The following STIM1 variants were observed in gnomAD, a reference collection of about 807,000 sequenced individuals.
STIM1 encodes the protein stromal interaction molecule 1.
STIM1 carries 25 observed loss-of-function variants against 74.7 expected under a neutral mutation model. The observed-to-expected ratio is 0.33, with a 90% CI of 0.24 to 0.47. STIM1 has a LOEUF of 0.47. Ranked by LOEUF, STIM1 falls within the 20% of genes least tolerant of loss-of-function variation. The pLI, the probability that STIM1 is intolerant of heterozygous loss-of-function variation, is 1.00. For missense variants in STIM1, 728 were observed against 920.8 expected (o/e 0.79, Z 2.71); for synonymous variants, 328 against 348.8 (o/e 0.94, Z 0.66).
intron 2 of STIM1, among the ~76,000 whole-genome samples, chr11:3,981,562 A>C (rs945906218): frequency 3.3e-5 from 5 of 152,186 alleles, no homozygotes; most frequent in Admixed American, 6.5e-5. Flanking sequence ...AGGAGTACAG[A>C]GTGGGCTGGT....
In STIM1 at chr11:4,084,731, C is replaced by T. The variant is rs777651362; in HGVS notation, c.1533C>T (p.Ala511=). Residue 511 remains alanine (A), a synonymous_variant, in exon 11 of 13, where the codon GCC becomes GCT. Transcript: ENST00000526596. The part of the protein sequence containing the change: ...FSDRSLCSTS[A]GSDDQSLWKY... ...ACCGCTCTCTCTGCTCTACATCCGC[C>T]GGCTCGGATGATCAGTCCCTCTGGA... 26 of 1,289,284 alleles carry T rather than the reference C, an allele frequency of 2.0e-5. No individual in the cohort carries two copies. Among genetic ancestry groups the T allele is most frequent in the African/African-American group, 3.0e-5 (2 of 65,860 alleles). The allele number at this position is 1,289,284 out of a possible 1,614,324, so 79.9% of individuals were successfully genotyped here. A position where few individuals can be genotyped will look rare whatever the true frequency, so the allele number is the denominator to read the frequency against.
In STIM1 at chr11:4,086,538, T is replaced by A; in HGVS notation, c.1629T>A (p.Ser543=). 6.2e-7 allele frequency: 1 copy of A among 1,614,170 alleles called. No individual in the cohort carries two copies. Among genetic ancestry groups the A allele is most frequent in the East Asian group, 2.2e-5 (1 of 44,884 alleles). The part of the protein sequence containing the change: ...RLTEPQHGLG[S]QRDLTHSDSE... ...CGGAGCCACAGCATGGCCTGGGATC[T>A]CAGAGGTTGGTAGAGGGCGAGGCTG... is the stretch of plus-strand genomic sequence containing the variant. The change falls in exon 12 of 13, where the codon TCT becomes TCA. Residue 543 remains serine, a synonymous_variant. Coordinates refer to ENST00000526596, the MANE Select transcript of STIM1 (RefSeq NM_001382567.1).
At chr11:4,029,054 G>C (rs899963524) in intron 3 of STIM1, among the ~76,000 whole-genome samples, 2 of 151,996 alleles carry the variant, frequency 1.3e-5, no homozygotes, top group African/African-American at 4.8e-5. Context: ...CAGGTGTGGT[G>C]GTGGGCACCT....
At chr11:4,024,525 C>T (rs991511436) in intron 3 of STIM1, among the ~76,000 whole-genome samples, 2 of 152,184 alleles carry the variant, frequency 1.3e-5, no homozygotes, top group African/African-American at 2.4e-5. Context: ...AACATTTTCT[C>T]AGCCTCCTTC....
intron 6 of STIM1, 37 bp downstream of exon 6, chr11:4,070,240 C>T (rs2094395479): frequency 1.2e-6 from 2 of 1,612,074 alleles, no homozygotes; most frequent in East Asian, 2.2e-5. Context: ...GAGGCCCTGC[C>T]AGTTCTTGGG....
At chr11:4,008,824 C>G (rs2135947479) in intron 2 of STIM1, among the ~76,000 whole-genome samples, 1 of 152,242 alleles carries the variant, frequency 6.6e-6, no homozygotes, top group South Asian at 2.1e-4. Context: ...GGAAACTTCA[C>G]ACAGACAGTA....
At chr11:3,955,027 G>A (rs556857972) in intron 1 of STIM1, among the ~76,000 whole-genome samples, 1 of 152,308 alleles carries the variant, frequency 6.6e-6, no homozygotes, top group South Asian at 2.1e-4. Flanking sequence ...GCCATTCAAT[G>A]GAATACTACT....
chr11:4,010,766 A>G (rs2093827858), intron 2 of STIM1, among the ~76,000 whole-genome samples: 1 of 152,134 alleles, frequency 6.6e-6, no homozygotes, highest in Non-Finnish European at 1.5e-5. Context: ...CATGTGCACA[A>G]TGTGCAGGTT....
At chr11:3,895,694 CTTT>C (rs2092089288) in intron 1 of STIM1, among the ~76,000 whole-genome samples, 1 of 33,754 alleles carries the variant, frequency 3.0e-5, no homozygotes, top group Non-Finnish European at 5.4e-5. Context: ...TTCTTTCTTT[CTTT>C]CTTTCTTTCT....
At chr11:4,039,774 A>T (rs754992531) in intron 3 of STIM1, among the ~76,000 whole-genome samples, 1 of 151,826 alleles carries the variant, frequency 6.6e-6, no homozygotes, top group Non-Finnish European at 1.5e-5. Flanking sequence ...TTATTTTATT[A>T]TATTGTACTT....
intron 1 of STIM1, among the ~76,000 whole-genome samples, chr11:3,893,575 C>A (rs906769092): frequency 6.6e-6 from 1 of 152,150 alleles, no homozygotes; most frequent in African/African-American, 2.4e-5. Flanking sequence ...ATGTTTACTT[C>A]CACTTTCTTG....
rs536610307 is a variant in STIM1, at chr11:3,881,670, C to T, written c.139+25261C>T. ...ACAGGCGTGAGCCACCGTGCCCGGC[C>T]GATTATTTTATTTTTATTTATTTAT... On this transcript the variant is annotated intron_variant, in intron 1 of 12. Coordinates refer to ENST00000526596, the MANE Select transcript of STIM1 (RefSeq NM_001382567.1). 8.1e-5 allele frequency among the ~76,000 whole-genome samples: 12 copies of T among 148,262 alleles called. No individual in the cohort carries two copies. The East Asian group carries it at 2.3e-3, about 28-fold the overall frequency.
intron 1 of STIM1, among the ~76,000 whole-genome samples, chr11:3,909,802 A>AG (rs2092531430): frequency 6.6e-6 from 1 of 151,502 alleles, no homozygotes; most frequent in Admixed American, 6.6e-5. Context: ...AAAGAAAAAA[A>AG]AAAAAGAAAA....
At chr11:3,905,176 A>G (rs1362199699) in intron 1 of STIM1, among the ~76,000 whole-genome samples, 1 of 152,114 alleles carries the variant, frequency 6.6e-6, no homozygotes, top group Non-Finnish European at 1.5e-5. Context: ...AAATGAGGCT[A>G]CTGAGTCATT....
intron 1 of STIM1, chr11:3,892,588 C>A: frequency 1.2e-6 from 2 of 1,602,140 alleles, no homozygotes; most frequent in South Asian, 1.1e-5. Context: ...CAGCATTTGC[C>A]ATGGACAAGA....
chr11:4,019,907 A>G (rs866129274), intron 2 of STIM1, among the ~76,000 whole-genome samples: 1 of 152,084 alleles, frequency 6.6e-6, no homozygotes, highest in Non-Finnish European at 1.5e-5. Context: ...TACCCTCCCA[A>G]CTGTAAATTT....
intron 3 of STIM1, among the ~76,000 whole-genome samples, chr11:4,028,909 T>A (rs184592006): frequency 2.6e-4 from 39 of 151,884 alleles, no homozygotes; most frequent in African/African-American, 9.4e-4. Flanking sequence ...CATTACAGAC[T>A]GGGCGTGGTG....
chr11:4,016,849 G>A (rs2093902821), intron 2 of STIM1, among the ~76,000 whole-genome samples: 2 of 152,356 alleles, frequency 1.3e-5, no homozygotes, highest in East Asian at 1.9e-4. Flanking sequence ...AGCAAGGAAG[G>A]CTCTGTGTGT....
At chr11:4,021,401 C>T (rs1477263560) in intron 2 of STIM1, among the ~76,000 whole-genome samples, 1 of 152,250 alleles carries the variant, frequency 6.6e-6, no homozygotes, top group African/African-American at 2.4e-5. Context: ...GCTGGGATTA[C>T]AGGCATGAGC....
Sources: allele counts gnomAD v4.1 joint callset (sites outside exome capture counted in the v4.1 genomes callset), GRCh38; gene constraint gnomAD v4.1.1; transcripts MANE v1.5; gene names NCBI Gene and HGNC (gene_info 2026-07-23, HGNC 2026-07-21).